Variants in GLIPR1L1 observed in about 807,000 individuals in gnomAD.
The protein encoded by GLIPR1L1 is GLIPR1 like 1, also known as GLIPR1-like protein 1.
Under a neutral mutation model 29.9 loss-of-function variants are expected in GLIPR1L1, and 26 were observed. The ratio of observed to expected loss-of-function variants is 0.87; its 90% CI spans 0.64 to 1.21. GLIPR1L1 has a LOEUF of 1.21. GLIPR1L1 is among the 50% of genes most tolerant of loss of function. The probability of loss-of-function intolerance (pLI) is 0.00; values close to 1 mark genes in which losing one functional copy is unlikely to be tolerated. For missense variants in GLIPR1L1, 305 were observed against 290.3 expected (o/e 1.05, Z -0.37); for synonymous variants, 77 against 97.5 (o/e 0.79, Z 1.24).
At chr12:75,339,883 G>A (rs1282415081) in intron 1 of GLIPR1L1, among the ~76,000 whole-genome samples, 1 of 151,932 alleles carries the variant, frequency 6.6e-6, no homozygotes, top group Non-Finnish European at 1.5e-5. Flanking sequence ...CCCAAGCAGT[G>A]CCCAATGTGT....
intron 3 of GLIPR1L1, among the ~76,000 whole-genome samples, chr12:75,355,749 T>C (rs2043115259): frequency 6.6e-6 from 1 of 152,096 alleles, no homozygotes; most frequent in Non-Finnish European, 1.5e-5. Context: ...AATGACAGAC[T>C]GGATAAAGAA....
intron 3 of GLIPR1L1, among the ~76,000 whole-genome samples, chr12:75,348,383 G>C (rs1344637962): frequency 2.0e-5 from 3 of 152,172 alleles, no homozygotes; most frequent in Non-Finnish European, 4.4e-5. Flanking sequence ...GTACTAGAGA[G>C]AGGCAGAAAT....
At chr12:75,358,713 CAT>C (rs1303983620) in intron 3 of GLIPR1L1, among the ~76,000 whole-genome samples, 1 of 141,588 alleles carries the variant, frequency 7.1e-6, no homozygotes, top group African/African-American at 2.6e-5. Flanking sequence ...TTTTTTAAAC[CAT>C]ATATATAATA....
intron 1 of GLIPR1L1, among the ~76,000 whole-genome samples, chr12:75,339,052 G>A (rs2041926006): frequency 6.6e-6 from 1 of 152,154 alleles, no homozygotes. Flanking sequence ...TGAATAGTGT[G>A]CAGTGAATAT....
intron 3 of GLIPR1L1, among the ~76,000 whole-genome samples, chr12:75,362,550 A>G (rs2043672212): frequency 6.6e-6 from 1 of 152,176 alleles, no homozygotes; most frequent in Non-Finnish European, 1.5e-5. Flanking sequence ...AATACTACTC[A>G]TGTTGTTATG....
intron 3 of GLIPR1L1, among the ~76,000 whole-genome samples, chr12:75,354,926 T>C (rs1177855399): frequency 1.3e-5 from 2 of 152,186 alleles, no homozygotes; most frequent in Non-Finnish European, 2.9e-5. Flanking sequence ...AGGCTAGCCA[T>C]ATGCAGAGAA....
intron 2 of GLIPR1L1, among the ~76,000 whole-genome samples, chr12:75,345,437 A>G (rs889468826): frequency 6.6e-6 from 1 of 152,084 alleles, no homozygotes; most frequent in Non-Finnish European, 1.5e-5. Context: ...CTGAGCCCCT[A>G]GGAAAGCCTG....
chr12:75,360,176 A>C (rs2043473836), intron 3 of GLIPR1L1: 1 of 152,162 alleles, frequency 6.6e-6, no homozygotes, highest in Non-Finnish European at 1.5e-5. Flanking sequence ...TTACAATTCG[A>C]GATAAGGTTT....
chr12:75,361,070 A>G (rs1426260221), intron 3 of GLIPR1L1: 1 of 152,164 alleles, frequency 6.6e-6, no homozygotes, highest in East Asian at 1.9e-4. Context: ...AACTCTCAAC[A>G]AAGAGAAATG....
At chr12:75,349,860 T>C (rs1013017181) in intron 3 of GLIPR1L1, among the ~76,000 whole-genome samples, 3 of 152,182 alleles carry the variant, frequency 2.0e-5, no homozygotes, top group Non-Finnish European at 2.9e-5. Context: ...ATAGAATCCA[T>C]AGAGGAAAAA....
At chr12:75,356,465 G>A (rs999288528) in intron 3 of GLIPR1L1, among the ~76,000 whole-genome samples, 4 of 152,102 alleles carry the variant, frequency 2.6e-5, no homozygotes, top group African/African-American at 4.8e-5. Context: ...TGTGAAGTGC[G>A]ATAATCTAAC....
At chr12:75,335,528 A>C (rs1010659838) in intron 1 of GLIPR1L1, among the ~76,000 whole-genome samples, 2 of 152,192 alleles carry the variant, frequency 1.3e-5, no homozygotes, top group African/African-American at 2.4e-5. Context: ...CTATGAGCAT[A>C]AACGTTGATA....
intron 1 of GLIPR1L1, among the ~76,000 whole-genome samples, chr12:75,335,371 T>G (rs73364071): frequency 6.6e-6 from 1 of 152,132 alleles, no homozygotes; most frequent in Non-Finnish European, 1.5e-5. Context: ...TTGAAAAAAA[T>G]ACAGTACTCT....
At chr12:75,350,868 G>A (rs991759669) in intron 3 of GLIPR1L1, among the ~76,000 whole-genome samples, 2 of 152,140 alleles carry the variant, frequency 1.3e-5, no homozygotes, top group Non-Finnish European at 2.9e-5. Flanking sequence ...GACAAAAATA[G>A]GGTTCAGAAG....
chr12:75,345,713 A>G (rs1184207099), intron 2 of GLIPR1L1, among the ~76,000 whole-genome samples: 2 of 152,230 alleles, frequency 1.3e-5, no homozygotes, highest in African/African-American at 4.8e-5. Context: ...CAGGTGTCAG[A>G]TGTCCTGACT....
At chr12:75,346,018 C>A (rs947217618) in intron 2 of GLIPR1L1, among the ~76,000 whole-genome samples, 3 of 152,158 alleles carry the variant, frequency 2.0e-5, no homozygotes, top group African/African-American at 7.2e-5. Context: ...TTTTCTTGCA[C>A]TTATCACCTA....
chr12:75,356,448 T>C (rs1230489352), intron 3 of GLIPR1L1, among the ~76,000 whole-genome samples: 2 of 152,220 alleles, frequency 1.3e-5, no homozygotes, highest in Non-Finnish European at 2.9e-5. Context: ...GAAGTTCTTC[T>C]AATCCATGTG....
At chr12:75,347,556 C>T (rs751775091) in intron 2 of GLIPR1L1, 66 bp from the exon 3 acceptor site, 43 of 969,632 alleles carry the variant, frequency 4.4e-5, no homozygotes, top group Non-Finnish European at 6.6e-5. Context: ...TATACCAATT[C>T]TCTAAATGCA....
At chr12:75,353,423 T>C (rs771139538) in intron 3 of GLIPR1L1, among the ~76,000 whole-genome samples, 1 of 152,036 alleles carries the variant, frequency 6.6e-6, no homozygotes, top group South Asian at 2.1e-4. Flanking sequence ...TGTAAACATA[T>C]GCCCTCCCAA....
Sources: gnomAD v4.1 joint callset for allele counts (sites outside exome capture counted in the v4.1 genomes callset) on GRCh38, gnomAD v4.1.1 for gene constraint, MANE v1.5 for transcripts, NCBI Gene and HGNC (gene_info 2026-07-23, HGNC 2026-07-21) for gene names.